SMYD3: variants seen among roughly 807,000 people sequenced by gnomAD.
The protein encoded by SMYD3 is SET and MYND domain containing 3, also known as histone-lysine N-methyltransferase SMYD3.
Under a neutral mutation model 57.7 loss-of-function variants are expected in SMYD3, and 36 were observed. That is an observed-to-expected ratio of 0.62 (90% CI 0.48 to 0.82). The LOEUF (loss-of-function observed/expected upper bound fraction) is 0.82, where lower values mean the gene tolerates loss of function less well. Among genes scored for constraint, SMYD3 ranks in the 40% least tolerant of loss-of-function variants. SMYD3 has a pLI of 0.00. For synonymous variants in SMYD3, 211 were observed against 195.0 expected, an observed-to-expected ratio of 1.08 and a Z score of -0.68; for missense variants, 515 against 538.8, an observed-to-expected ratio of 0.96 and a Z score of 0.44.
intron 1 of SMYD3, among the ~76,000 whole-genome samples, chr1:246,404,617 A>C (rs1207171268): frequency 6.6e-6 from 1 of 152,242 alleles, no homozygotes; most frequent in East Asian, 1.9e-4. Context: ...TGCAGCATTT[A>C]GAAAGCCCCT....
At chr1:246,069,617 A>G (rs2060408264) in intron 5 of SMYD3, among the ~76,000 whole-genome samples, 1 of 152,240 alleles carries the variant, frequency 6.6e-6, no homozygotes, top group South Asian at 2.1e-4. Flanking sequence ...AAGAAAGCCA[A>G]CATAAAACAG....
chr1:246,154,242 TACTA>T (rs1344757855), intron 5 of SMYD3, among the ~76,000 whole-genome samples: 3 of 152,236 alleles, frequency 2.0e-5, no homozygotes, highest in African/African-American at 7.2e-5. Flanking sequence ...CTTCTATCGC[TACTA>T]ACTATGGAAA....
At chr1:245,953,291 A>G (rs2057722805) in intron 5 of SMYD3, 2 of 999,232 alleles carry the variant, frequency 2.0e-6, no homozygotes, top group Non-Finnish European at 1.2e-6. Flanking sequence ...ACTGCACATT[A>G]ATATATCAAC....
At chr1:245,776,387 C>A (rs2046596540) in intron 10 of SMYD3, among the ~76,000 whole-genome samples, 1 of 152,016 alleles carries the variant, frequency 6.6e-6, no homozygotes, top group Admixed American at 6.5e-5. Flanking sequence ...ATACCTTTTC[C>A]TTGTTTGGAA....
intron 10 of SMYD3, among the ~76,000 whole-genome samples, chr1:245,783,032 G>A (rs565119751): frequency 3.3e-5 from 5 of 152,262 alleles, no homozygotes; most frequent in South Asian, 4.1e-4. Context: ...GCAGACATAC[G>A]CAGTCATTTT....
At chr1:246,396,187 A>C (rs1032910013) in intron 1 of SMYD3, among the ~76,000 whole-genome samples, 5 of 152,234 alleles carry the variant, frequency 3.3e-5, no homozygotes, top group Non-Finnish European at 5.9e-5. Flanking sequence ...TGAGTTGCTC[A>C]TATATAAATG....
rs144609593 is a variant in SMYD3 at position 246,088,047 on chromosome 1, G to A, written c.532-158110C>T. 3.6e-3 allele frequency among the ~76,000 whole-genome samples: 550 copies of A among 152,150 alleles called. 3 individuals carry two copies. Among genetic ancestry groups the A allele is most frequent in the South Asian group, 0.012 (57 of 4,814 alleles). The stretch of plus-strand genomic sequence containing the variant: ...GTTTAGAATAAATGAGATGCTCTTC[G>A]TCCTCTGTGAGCCCCTTTGACTCAT... On this transcript the variant is annotated intron_variant, in intron 5 of 11. Transcript: ENST00000490107.
In SMYD3 at chr1:246,087,060, T is replaced by C. The variant is rs537449560; in HGVS notation, c.532-157123A>G. The stretch of plus-strand genomic sequence containing the variant: ...TGTCCATGCAAAGGGCATGATCTCA[T>C]TCATTTTTATGGCTGCATAGTATTC... On this transcript the variant is annotated intron_variant, in intron 5 of 11. Transcript: ENST00000490107. 1.3e-4 allele frequency among the ~76,000 whole-genome samples: 20 copies of C among 152,300 alleles called. No homozygotes were observed. The East Asian group carries it at 2.1e-3, about 16-fold the overall frequency.
rs528413813 is a variant in SMYD3, at chr1:246,433,696, G to A, written c.164+73358C>T. Among the ~76,000 whole-genome samples, 9 of 152,140 alleles carry A rather than the reference G, an allele frequency of 5.9e-5. 1 individual carries two copies. The highest frequency in any genetic ancestry group is 2.2e-4 in the African/African-American group (9 of 41,514). ...ATAAATAAAATAAAATAGCCATACT[G>A]CCCAAAGCAATCTACAGATTCAACG... is the stretch of plus-strand genomic sequence containing the variant. On this transcript the variant is annotated intron_variant, in intron 1 of 11. Coordinates refer to ENST00000490107, the MANE Select transcript of SMYD3 (RefSeq NM_001167740.2).
chr1:246,217,124 T>C (rs1314871114), intron 5 of SMYD3, among the ~76,000 whole-genome samples: 2 of 151,272 alleles, frequency 1.3e-5, no homozygotes, highest in East Asian at 4.2e-4. Flanking sequence ...ACCAAGCTTG[T>C]AGCCTAAATT....
At chr1:246,055,973 C>T (rs1162384983) in intron 5 of SMYD3, among the ~76,000 whole-genome samples, 1 of 149,860 alleles carries the variant, frequency 6.7e-6, no homozygotes, top group Non-Finnish European at 1.5e-5. Context: ...CTTAATGCTA[C>T]TGGATTGTAT....
chr1:245,806,780 G>T (rs554749134), intron 10 of SMYD3, among the ~76,000 whole-genome samples: 1,607 of 151,190 alleles, frequency 0.011, 34 homozygotes, highest in African/African-American at 0.037. Flanking sequence ...CGCGGTGGCG[G>T]GCGCCTGTAG....
chr1:246,460,791 T>C (rs1332926190), intron 1 of SMYD3, among the ~76,000 whole-genome samples: 1 of 152,262 alleles, frequency 6.6e-6, no homozygotes, highest in Non-Finnish European at 1.5e-5. Flanking sequence ...TTTATAGTTT[T>C]AATTAGCTAA....
chr1:246,420,410 T>C (rs374257095), intron 1 of SMYD3, among the ~76,000 whole-genome samples: 5 of 152,162 alleles, frequency 3.3e-5, no homozygotes, highest in African/African-American at 1.2e-4. Context: ...GCAATAAACA[T>C]GTATTAAGCA....
At chr1:245,783,371 T>C (rs1287146625) in intron 10 of SMYD3, among the ~76,000 whole-genome samples, 2 of 152,160 alleles carry the variant, frequency 1.3e-5, no homozygotes, top group Non-Finnish European at 2.9e-5. Flanking sequence ...TATCCATCTG[T>C]TGTCCAGTTA....
chr1:246,271,088 T>G (rs904330435), intron 5 of SMYD3, among the ~76,000 whole-genome samples: 16 of 152,252 alleles, frequency 1.1e-4, no homozygotes, highest in African/African-American at 3.9e-4. Flanking sequence ...CATCTTTTCA[T>G]GTGCTTATTG....
At chr1:246,253,367 G>A (rs758291822) in intron 5 of SMYD3, among the ~76,000 whole-genome samples, 1 of 152,144 alleles carries the variant, frequency 6.6e-6, no homozygotes, top group Non-Finnish European at 1.5e-5. Context: ...GAGAACATGC[G>A]GTATTGGTTT....
chr1:246,466,326 T>C (rs898283810), intron 1 of SMYD3, among the ~76,000 whole-genome samples: 11 of 152,164 alleles, frequency 7.2e-5, no homozygotes, highest in African/African-American at 2.7e-4. Context: ...CTATACACCA[T>C]GGAATACTAT....
chr1:246,431,193 A>C (rs2067291927), intron 1 of SMYD3, among the ~76,000 whole-genome samples: 1 of 152,220 alleles, frequency 6.6e-6, no homozygotes, highest in Admixed American at 6.5e-5. Flanking sequence ...GGCTGGATCC[A>C]ATACAAAAAT....
Sources: gnomAD v4.1 joint callset for allele counts (sites outside exome capture counted in the v4.1 genomes callset) on GRCh38, gnomAD v4.1.1 for gene constraint, MANE v1.5 for transcripts, NCBI Gene and HGNC (gene_info 2026-07-23, HGNC 2026-07-21) for gene names.